The following DDHD1 variants were observed in gnomAD, a reference collection of about 807,000 sequenced individuals.
DDHD1 encodes phospholipase DDHD1.
A neutral mutation model predicts 96.4 loss-of-function variants in DDHD1; 49 were observed. That is an observed-to-expected ratio of 0.51 (90% CI 0.40 to 0.64). The LOEUF (loss-of-function observed/expected upper bound fraction) is 0.64. DDHD1 is among the 30% of genes least tolerant of loss of function. DDHD1 has a pLI of 0.00. For missense variants in DDHD1, 1,106 were observed against 1,161.2 expected, an observed-to-expected ratio of 0.95 and a Z score of 0.69; for synonymous variants, 442 against 446.5, an observed-to-expected ratio of 0.99 and a Z score of 0.13.
chr14:53,074,615 T>C (rs1303849689), intron 4 of DDHD1, among the ~76,000 whole-genome samples: 1 of 151,944 alleles, frequency 6.6e-6, no homozygotes, highest in Non-Finnish European at 1.5e-5. Flanking sequence ...AATTATTTTA[T>C]AATATTAAAA....
At chr14:53,091,025 A>T (rs562459466) in intron 4 of DDHD1, among the ~76,000 whole-genome samples, 1 of 152,168 alleles carries the variant, frequency 6.6e-6, no homozygotes, top group Non-Finnish European at 1.5e-5. Flanking sequence ...TGTTTGCTTT[A>T]TAAGGACTCA....
intron 4 of DDHD1, among the ~76,000 whole-genome samples, chr14:53,090,128 C>A (rs1156611348): frequency 6.6e-6 from 1 of 152,160 alleles, no homozygotes; most frequent in African/African-American, 2.4e-5. Context: ...AAAAAATGCT[C>A]ATCATCACTG....
chr14:53,133,769 C>G lies in DDHD1; in HGVS notation c.838+18492G>C, dbSNP rs994294635. ...TCCAGCAAGCTACACAGGAAATTTG[C>G]CAAGCTGCTAATCTTCTCTTGCCTA... On this transcript the variant is annotated intron_variant, in intron 1 of 12. Transcript: ENST00000673822. Among the ~76,000 whole-genome samples, 13 of 152,132 alleles carry G rather than the reference C, an allele frequency of 8.5e-5. 1 individual carries two copies. Among genetic ancestry groups the G allele is most frequent in the Non-Finnish European group, 1.8e-4 (12 of 68,020 alleles).
intron 2 of DDHD1, chr14:53,103,027 T>G: frequency 6.4e-7 from 1 of 1,567,434 alleles, no homozygotes; most frequent in Non-Finnish European, 8.7e-7. Flanking sequence ...ACAGTTATAC[T>G]CACCAGAATA....
chr14:53,106,807 T>C lies in DDHD1; in HGVS notation c.839-2951A>G, dbSNP rs572232723. Among the ~76,000 whole-genome samples the C allele has an allele frequency of 1.6e-4, 24 of 152,326 alleles. 2 individuals are homozygous for C. In the South Asian group the frequency reaches 3.7e-3, roughly 24 times the overall value. On this transcript the variant is annotated intron_variant, in intron 1 of 12. Coordinates refer to ENST00000673822, the MANE Select transcript of DDHD1 (RefSeq NM_001160148.2). ...GAGCTGTTCTGTATTAATCTGTCCA[T>C]GATGGGGCCTTTTAATATGTAAAAT...
intron 1 of DDHD1, among the ~76,000 whole-genome samples, chr14:53,133,379 A>G (rs1286182279): frequency 6.6e-6 from 1 of 152,182 alleles, no homozygotes; most frequent in Non-Finnish European, 1.5e-5. Context: ...TCTCAGACAT[A>G]CTTCCTCGGT....
intron 1 of DDHD1, among the ~76,000 whole-genome samples, chr14:53,139,797 G>C (rs1890512703): frequency 8.1e-6 from 1 of 123,836 alleles, no homozygotes; most frequent in South Asian, 2.5e-4. Context: ...TAAATTATAA[G>C]ACATACAAAG....
At chr14:53,140,499 C>T (rs1220454876) in intron 1 of DDHD1, among the ~76,000 whole-genome samples, 1 of 152,064 alleles carries the variant, frequency 6.6e-6, no homozygotes, top group Non-Finnish European at 1.5e-5. Context: ...CCACTGCACT[C>T]CAGCCTGGGC....
chr14:53,116,218 C>T (rs1205543218), intron 1 of DDHD1, among the ~76,000 whole-genome samples: 1 of 152,198 alleles, frequency 6.6e-6, no homozygotes, highest in Non-Finnish European at 1.5e-5. Context: ...CACCCAGATT[C>T]ATAAAACAAA....
At chr14:53,075,405 G>C (rs1884869602) in intron 4 of DDHD1, among the ~76,000 whole-genome samples, 1 of 152,150 alleles carries the variant, frequency 6.6e-6, no homozygotes. Flanking sequence ...CTTCATTTAT[G>C]CCAAAGCCTA....
At chr14:53,062,496 A>T (rs115241389) in intron 7 of DDHD1, among the ~76,000 whole-genome samples, 1,535 of 152,008 alleles carry the variant, frequency 0.01, 30 homozygotes, top group African/African-American at 0.035. Flanking sequence ...ACATATAATT[A>T]TGTTTATACA....
chr14:53,117,767 A>G (rs1888660944), intron 1 of DDHD1, among the ~76,000 whole-genome samples: 1 of 152,184 alleles, frequency 6.6e-6, no homozygotes, highest in Admixed American at 6.5e-5. Flanking sequence ...CTGCAGACTT[A>G]AACATCCCTG....
intron 8 of DDHD1, among the ~76,000 whole-genome samples, chr14:53,060,730 T>TA (rs1428383950): frequency 1.3e-5 from 2 of 152,232 alleles, no homozygotes; most frequent in African/African-American, 4.8e-5. Context: ...TACAGCCCTC[T>TA]ATGCCTTTGT....
chr14:53,067,834 CT>C (rs1884172474), intron 6 of DDHD1, among the ~76,000 whole-genome samples: 1 of 152,112 alleles, frequency 6.6e-6, no homozygotes, highest in Non-Finnish European at 1.5e-5. Context: ...CTCATATAAC[CT>C]TTACCCAGGT....
intron 1 of DDHD1, among the ~76,000 whole-genome samples, chr14:53,137,711 A>G (rs1890337602): frequency 6.6e-6 from 1 of 152,254 alleles, no homozygotes; most frequent in Non-Finnish European, 1.5e-5. Context: ...TGTAGTAGGA[A>G]TCCAAGATAA....
At chr14:53,052,517 A>T (rs1882688079) in intron 11 of DDHD1, 1 of 152,130 alleles carries the variant, frequency 6.6e-6, no homozygotes, top group Admixed American at 6.6e-5. Context: ...TTTCAGAAAG[A>T]AGATTTAATG....
At chr14:53,077,030 G>T (rs1418173815) in intron 4 of DDHD1, among the ~76,000 whole-genome samples, 1 of 152,046 alleles carries the variant, frequency 6.6e-6, no homozygotes, top group African/African-American at 2.4e-5. Flanking sequence ...ATATCTTTGA[G>T]GTATACCTGT....
chr14:53,146,763 G>C (rs570714819), intron 1 of DDHD1, among the ~76,000 whole-genome samples: 31 of 152,056 alleles, frequency 2.0e-4, no homozygotes, highest in Admixed American at 1.2e-3. Context: ...ACTTGTTATG[G>C]GTACGATTTT....
chr14:53,052,903 C>T (rs1051457867), intron 11 of DDHD1: 1 of 151,732 alleles, frequency 6.6e-6, no homozygotes, highest in South Asian at 2.1e-4. Context: ...TACAGCTATG[C>T]ACCTCTACTA....
Sources: gnomAD v4.1 joint callset for allele counts (sites outside exome capture counted in the v4.1 genomes callset) on GRCh38, gnomAD v4.1.1 for gene constraint, MANE v1.5 for transcripts, NCBI Gene and HGNC (gene_info 2026-07-23, HGNC 2026-07-21) for gene names.